NALF1: variants seen among roughly 807,000 people sequenced by gnomAD.
The protein encoded by NALF1 is NALCN channel auxiliary factor 1.
A neutral mutation model predicts 48.4 loss-of-function variants in NALF1; 3 were observed. The ratio of observed to expected loss-of-function variants is 0.06; its 90% CI spans 0.03 to 0.16. The LOEUF (loss-of-function observed/expected upper bound fraction) is 0.16, where lower values mean the gene tolerates loss of function less well. Ranked by LOEUF, NALF1 falls within the 10% of genes least tolerant of loss-of-function variation. The pLI, the probability that NALF1 is intolerant of heterozygous loss-of-function variation, is 1.00. For synonymous variants in NALF1, 262 were observed against 245.7 expected (o/e 1.07, Z -0.62); for missense variants, 526 against 571.5 (o/e 0.92, Z 0.81).
intron 1 of NALF1, among the ~76,000 whole-genome samples, chr13:107,294,907 A>C (rs1418126482): frequency 6.6e-6 from 1 of 152,232 alleles, no homozygotes; most frequent in Non-Finnish European, 1.5e-5. Context: ...CACTGAAGAA[A>C]GAATATTGGA....
intron 1 of NALF1, among the ~76,000 whole-genome samples, chr13:107,537,242 A>T (rs1363291596): frequency 1.4e-5 from 2 of 146,392 alleles, no homozygotes; most frequent in Non-Finnish European, 3.0e-5. Context: ...TTAAAAAGTT[A>T]AAAAAAAAGG....
At chr13:107,545,918 T>C (rs1469400548) in intron 1 of NALF1, among the ~76,000 whole-genome samples, 1 of 152,170 alleles carries the variant, frequency 6.6e-6, no homozygotes, top group East Asian at 1.9e-4. Flanking sequence ...TGTACAGACT[T>C]CTTCCTCATA....
intron 1 of NALF1, among the ~76,000 whole-genome samples, chr13:107,252,151 C>T (rs75562038): frequency 0.02 from 3,017 of 152,242 alleles, 105 homozygotes; most frequent in African/African-American, 0.068. Flanking sequence ...CTTGGTGTCA[C>T]TCCTGGAGAA....
intron 1 of NALF1, among the ~76,000 whole-genome samples, chr13:107,434,511 C>T (rs1187573472): frequency 6.6e-6 from 1 of 152,176 alleles, no homozygotes; most frequent in Non-Finnish European, 1.5e-5. Context: ...GCCAGCCTAC[C>T]TCTCCTGAAT....
intron 1 of NALF1, among the ~76,000 whole-genome samples, chr13:107,244,626 T>C (rs1880542430): frequency 6.6e-6 from 1 of 152,168 alleles, no homozygotes; most frequent in Non-Finnish European, 1.5e-5. Context: ...CTCCCTTTAG[T>C]CTGAGTAGTC....
chr13:107,307,635 TA>T (rs34252962), intron 1 of NALF1, among the ~76,000 whole-genome samples: 6,278 of 117,378 alleles, frequency 0.053, 183 homozygotes, highest in East Asian at 0.17. Context: ...CCTTTTTTAT[TA>T]AAAAAAAAAA....
chr13:107,446,024 C>T (rs73592750), intron 1 of NALF1, among the ~76,000 whole-genome samples: 5,424 of 152,122 alleles, frequency 0.036, 343 homozygotes, highest in African/African-American at 0.12. Flanking sequence ...CTGCAACCTC[C>T]GCTTCCCGGG....
At chr13:107,392,520 A>G (rs1348616125) in intron 1 of NALF1, among the ~76,000 whole-genome samples, 2 of 152,168 alleles carry the variant, frequency 1.3e-5, no homozygotes. Context: ...GTGGCCAGAC[A>G]GGTTCTCACT....
intron 1 of NALF1, among the ~76,000 whole-genome samples, chr13:107,270,814 C>T (rs560394713): frequency 2.1e-5 from 3 of 144,582 alleles, no homozygotes; most frequent in African/African-American, 7.6e-5. Context: ...TCCCTCCCCC[C>T]TCCCTCCACC....
At chr13:107,411,892 G>A (rs556819283) in intron 1 of NALF1, among the ~76,000 whole-genome samples, 10 of 152,152 alleles carry the variant, frequency 6.6e-5, no homozygotes, top group African/African-American at 9.6e-5. Flanking sequence ...AGCAGAACAC[G>A]CCCCAGGCTG....
intron 1 of NALF1, among the ~76,000 whole-genome samples, chr13:107,422,849 A>G (rs1195058671): frequency 1.3e-5 from 2 of 152,182 alleles, no homozygotes; most frequent in Non-Finnish European, 2.9e-5. Context: ...TCACTAAGTA[A>G]GCTGAGGTCA....
At chr13:107,753,214 T>A (rs1454670451) in intron 1 of NALF1, among the ~76,000 whole-genome samples, 1 of 152,222 alleles carries the variant, frequency 6.6e-6, no homozygotes, top group African/African-American at 2.4e-5. Context: ...CCTATTATCT[T>A]GAAAGATTCC....
intron 1 of NALF1, among the ~76,000 whole-genome samples, chr13:107,631,666 T>C (rs2138449069): frequency 6.6e-6 from 1 of 152,230 alleles, no homozygotes; most frequent in East Asian, 1.9e-4. Context: ...CCAATTGCAT[T>C]GACTAGTCAT....
At chr13:107,275,109 C>G (rs1481787581) in intron 1 of NALF1, among the ~76,000 whole-genome samples, 1 of 152,138 alleles carries the variant, frequency 6.6e-6, no homozygotes, top group Non-Finnish European at 1.5e-5. Context: ...CATACGGTTA[C>G]AAAAATTATA....
chr13:107,815,992 G>A (rs555647934), intron 1 of NALF1, among the ~76,000 whole-genome samples: 1 of 152,268 alleles, frequency 6.6e-6, no homozygotes, highest in Admixed American at 6.5e-5. Flanking sequence ...AAAGGAAATG[G>A]GGAGTGGCTG....
intron 1 of NALF1, among the ~76,000 whole-genome samples, chr13:107,781,116 CT>C (rs1877874150): frequency 6.6e-6 from 1 of 152,074 alleles, no homozygotes; most frequent in Admixed American, 6.5e-5. Context: ...AAAATTTCTT[CT>C]TGTGCCAGGA....
chr13:107,514,421 A>ATATC (rs34590190), intron 1 of NALF1, among the ~76,000 whole-genome samples: 25,795 of 148,510 alleles, frequency 0.17, 2,313 homozygotes, highest in Middle Eastern at 0.2. Flanking sequence ...AGCTTCTCCT[A>ATATC]TATCTATCTA....
At chr13:107,456,432 G>A (rs1884826897) in intron 1 of NALF1, among the ~76,000 whole-genome samples, 1 of 152,160 alleles carries the variant, frequency 6.6e-6, no homozygotes, top group African/African-American at 2.4e-5. Flanking sequence ...GGACCAGTAG[G>A]AATCAGCTAA....
At chr13:107,552,806 T>G (rs1328479751) in intron 1 of NALF1, among the ~76,000 whole-genome samples, 1 of 152,196 alleles carries the variant, frequency 6.6e-6, no homozygotes, top group Non-Finnish European at 1.5e-5. Flanking sequence ...TAGAATATGG[T>G]TGACAGAATT....
Sources: gnomAD v4.1 joint callset for allele counts (sites outside exome capture counted in the v4.1 genomes callset) on GRCh38, gnomAD v4.1.1 for gene constraint, MANE v1.5 for transcripts, NCBI Gene and HGNC (gene_info 2026-07-23, HGNC 2026-07-21) for gene names.